PIP4K2A: variants seen among roughly 807,000 people sequenced by gnomAD.
The protein encoded by PIP4K2A is phosphatidylinositol 5-phosphate 4-kinase type-2 alpha.
A neutral mutation model predicts 42.9 loss-of-function variants in PIP4K2A; 14 were observed. That is an observed-to-expected ratio of 0.33 (90% CI 0.22 to 0.51). The LOEUF is 0.51. Ranked by LOEUF, PIP4K2A falls within the 20% of genes least tolerant of loss-of-function variation. PIP4K2A has a pLI of 0.97. For synonymous variants in PIP4K2A, 192 were observed against 192.2 expected, an observed-to-expected ratio of 1.00 and a Z score of 0.01; for missense variants, 434 against 519.8, an observed-to-expected ratio of 0.83 and a Z score of 1.61.
At chr10:22,680,251 T>C (rs1215461987) in intron 1 of PIP4K2A, among the ~76,000 whole-genome samples, 3 of 152,116 alleles carry the variant, frequency 2.0e-5, no homozygotes. Flanking sequence ...ACTACACGAA[T>C]AAAGCAGAGT....
At chr10:22,569,174 T>C (rs1161579746) in intron 5 of PIP4K2A, 1 of 744,904 alleles carries the variant, frequency 1.3e-6, no homozygotes, top group Admixed American at 2.1e-5. Flanking sequence ...CTCCTCACAT[T>C]GGGGAAGGGA....
chr10:22,539,043 T>C (rs763699006), intron 9 of PIP4K2A, among the ~76,000 whole-genome samples: 1 of 152,114 alleles, frequency 6.6e-6, no homozygotes, highest in Non-Finnish European at 1.5e-5. Context: ...CATTCATCTG[T>C]GTGGGGTGGG....
intron 8 of PIP4K2A, 49 bp from the exon 9 acceptor site, chr10:22,540,123 G>GC (rs1836066021): frequency 1.3e-6 from 1 of 753,686 alleles, no homozygotes; most frequent in Admixed American, 1.8e-5. Context: ...CAACACCAGT[G>GC]CCAGCATTGC....
intron 1 of PIP4K2A, among the ~76,000 whole-genome samples, chr10:22,652,767 G>A (rs1839019682): frequency 6.6e-6 from 1 of 152,132 alleles, no homozygotes; most frequent in Admixed American, 6.5e-5. Flanking sequence ...AACTGAAAAC[G>A]CTGCTCCTTG....
At chr10:22,688,867 C>T (rs72816863) in intron 1 of PIP4K2A, among the ~76,000 whole-genome samples, 4,012 of 152,222 alleles carry the variant, frequency 0.026, 72 homozygotes, top group Middle Eastern at 0.044. Context: ...ACGGGGTGTT[C>T]CTATTACCAT....
intron 6 of PIP4K2A, chr10:22,567,629 T>C (rs764221512): frequency 7.0e-6 from 5 of 717,040 alleles, no homozygotes; most frequent in South Asian, 1.5e-5. Flanking sequence ...CTTCCAACCA[T>C]GCTTGCAACA....
intron 6 of PIP4K2A, among the ~76,000 whole-genome samples, chr10:22,563,974 G>A (rs931845541): frequency 6.6e-6 from 1 of 152,120 alleles, no homozygotes; most frequent in Non-Finnish European, 1.5e-5. Flanking sequence ...ATTAGATACA[G>A]GATAAAAGCA....
intron 6 of PIP4K2A, among the ~76,000 whole-genome samples, chr10:22,551,895 G>T (rs1032675953): frequency 1.3e-5 from 2 of 152,090 alleles, no homozygotes; most frequent in Admixed American, 6.6e-5. Flanking sequence ...TCACATGCTC[G>T]AACTGTTCAC....
At chr10:22,678,880 T>C (rs1270173529) in intron 1 of PIP4K2A, among the ~76,000 whole-genome samples, 2 of 152,242 alleles carry the variant, frequency 1.3e-5, no homozygotes, top group South Asian at 2.1e-4. Flanking sequence ...CCTAGAGTAT[T>C]AGACAGCTAT....
intron 6 of PIP4K2A, among the ~76,000 whole-genome samples, chr10:22,553,789 CTTTTTTTTTTTTTTT>C (rs3074629): frequency 5.6e-4 from 66 of 118,538 alleles, no homozygotes; most frequent in Middle Eastern, 4.4e-3. Context: ...GGTTGAAAAA[CTTTTTTTTTTTTTTT>C]TTTTTTTTTA....
At chr10:22,585,838 C>T (rs966521424) in intron 4 of PIP4K2A, among the ~76,000 whole-genome samples, 1 of 152,084 alleles carries the variant, frequency 6.6e-6, no homozygotes, top group Non-Finnish European at 1.5e-5. Context: ...TCAAGTGATC[C>T]GTCCACCTCG....
At chr10:22,678,471 C>T (rs1173516630) in intron 1 of PIP4K2A, among the ~76,000 whole-genome samples, 1 of 151,890 alleles carries the variant, frequency 6.6e-6, no homozygotes, top group Non-Finnish European at 1.5e-5. Flanking sequence ...CTTTGTCGTT[C>T]TATGGGGAAA....
Position 22,627,397 on chromosome 10 carries a change from T to C in PIP4K2A, c.145-17680A>G, listed in dbSNP as rs540299028. 1.5e-4 allele frequency among the ~76,000 whole-genome samples: 23 copies of C among 152,070 alleles called. No individual in the cohort carries two copies. The South Asian group carries it at 4.1e-3, about 27-fold the overall frequency. On this transcript the variant is annotated intron_variant, in intron 1 of 9. Transcript: ENST00000376573. ...CACATATTCCTAGGAACAGCATAGA[T>C]TGCCCTAAGTGATCTCTCAAAGGTT...
intron 7 of PIP4K2A, among the ~76,000 whole-genome samples, chr10:22,543,631 C>T (rs1416032158): frequency 1.3e-5 from 2 of 152,214 alleles, no homozygotes; most frequent in Non-Finnish European, 1.5e-5. Flanking sequence ...GATTCCTTTC[C>T]AGCAGTCAGA....
intron 4 of PIP4K2A, among the ~76,000 whole-genome samples, chr10:22,579,770 A>AACCACAAGACAATCTGAGGAACCTT (rs1837216332): frequency 6.7e-6 from 1 of 149,294 alleles, no homozygotes; most frequent in African/African-American, 2.6e-5. Flanking sequence ...TCAGACGGGC[A>AACCACAAGACAATCTGAGGAACCTT]TGGTGGCAGG....
At chr10:22,647,485 G>C (rs1564454536) in intron 1 of PIP4K2A, among the ~76,000 whole-genome samples, 1 of 151,580 alleles carries the variant, frequency 6.6e-6, no homozygotes. Context: ...GGCTCTCCTG[G>C]GATTTGATGG....
intron 1 of PIP4K2A, among the ~76,000 whole-genome samples, chr10:22,678,295 C>T (rs77733391): frequency 3.3e-5 from 5 of 151,936 alleles, no homozygotes; most frequent in East Asian, 1.9e-4. Flanking sequence ...CCAGCAGATA[C>T]GGCACCACAC....
chr10:22,671,419 C>T (rs548331721), intron 1 of PIP4K2A, among the ~76,000 whole-genome samples: 2 of 152,074 alleles, frequency 1.3e-5, no homozygotes, highest in Middle Eastern at 3.2e-3. Context: ...GCCACTGCTC[C>T]GAGGAGTTTG....
intron 1 of PIP4K2A, among the ~76,000 whole-genome samples, chr10:22,611,146 TGGGAGGCTGAGGC>T (rs976484383): frequency 2.8e-4 from 42 of 152,256 alleles, no homozygotes; most frequent in African/African-American, 8.9e-4. Context: ...CCCAGCAATT[TGGGAGGCTGAGGC>T]AGGAGGACTG....
Sources: allele counts gnomAD v4.1 joint callset (sites outside exome capture counted in the v4.1 genomes callset), GRCh38; gene constraint gnomAD v4.1.1; transcripts MANE v1.5; gene names NCBI Gene and HGNC (gene_info 2026-07-23, HGNC 2026-07-21).